Variants in KANSL3 observed in about 807,000 individuals in gnomAD.
The protein encoded by KANSL3 is NSL complex protein NSL3.
In KANSL3, 16 loss-of-function variants were observed where a neutral mutation model predicts 89.2. The ratio of observed to expected loss-of-function variants is 0.18; its 90% CI spans 0.12 to 0.27. The LOEUF (loss-of-function observed/expected upper bound fraction) is 0.27. Ranked by LOEUF, KANSL3 falls within the 10% of genes least tolerant of loss-of-function variation. The pLI, the probability that KANSL3 is intolerant of heterozygous loss-of-function variation, is 1.00. For missense variants in KANSL3, 879 were observed against 1,110.6 expected, an observed-to-expected ratio of 0.79 and a Z score of 2.96; for synonymous variants, 385 against 419.7, an observed-to-expected ratio of 0.92 and a Z score of 1.01.
chr2:96,623,676 G>T (rs2071744529), intron 3 of KANSL3, among the ~76,000 whole-genome samples: 2 of 152,020 alleles, frequency 1.3e-5, no homozygotes, highest in African/African-American at 4.8e-5. Context: ...TAGGGACAAG[G>T]GTTCTATCCC....
At chr2:96,629,979 G>A (rs1573619869) in intron 3 of KANSL3, among the ~76,000 whole-genome samples, 1 of 152,082 alleles carries the variant, frequency 6.6e-6, no homozygotes. Flanking sequence ...CACTTTACAC[G>A]CAGTAGAATG....
the KANSL3 span, among the ~76,000 whole-genome samples, chr2:96,581,423 C>CA: frequency 3.9e-3 from 427 of 108,692 alleles, no homozygotes; most frequent in African/African-American, 8.6e-3. Context: ...GACTCCATCT[C>CA]AAAAAAAAAA....
chr2:96,602,706 G>A (rs760508013), intron 18 of KANSL3, 47 bp downstream of exon 18: 2 of 1,468,794 alleles, frequency 1.4e-6, no homozygotes, highest in Admixed American at 2.2e-5. Context: ...AAGCTGAGGA[G>A]GCCTCCTCCC....
At chr2:96,588,016 G>A in the KANSL3 span, among the ~76,000 whole-genome samples, 1 of 152,118 alleles carries the variant, frequency 6.6e-6, no homozygotes, top group African/African-American at 2.4e-5. Context: ...GGGTGCTGTA[G>A]GGCTATACCT....
chr2:96,605,399 C>T lies in KANSL3; in HGVS notation c.1854G>A (p.Pro618=), dbSNP rs772164360. The T allele has an allele frequency of 1.9e-6, 3 of 1,613,938 alleles. No individual in the cohort carries two copies. Among genetic ancestry groups the T allele is most frequent in the East Asian group, 2.2e-5 (1 of 44,884 alleles). ...PLPGSKTSKR[P]KIKVSLISQG... is the part of the protein sequence containing the mutation. Reference sequence around the variant, plus strand: ...GGGAGATAAGGGACACCTTGATCTTCGGTCGTTTGGAGGTCTTACTGCCAG... The same window carrying T: ...GGGAGATAAGGGACACCTTGATCTTTGGTCGTTTGGAGGTCTTACTGCCAG... Residue 618 remains proline (P), a synonymous_variant, in exon 15 of 21, where the codon CCG becomes CCA. Transcript: ENST00000431828.
chr2:96,610,075 G>A (rs2068654801), intron 11 of KANSL3, among the ~76,000 whole-genome samples: 1 of 151,304 alleles, frequency 6.6e-6, no homozygotes, highest in Non-Finnish European at 1.5e-5. Context: ...ATCCTGGGCT[G>A]GATGCTGGAC....
At chr2:96,591,448 C>T (rs1242225200), downstream of KANSL3, among the ~76,000 whole-genome samples, 3 of 152,152 alleles carry the variant, frequency 2.0e-5, no homozygotes, top group Non-Finnish European at 4.4e-5. Context: ...GAACTATACA[C>T]ACACATTGTA....
At chr2:96,592,040 C>G (rs1027407660), downstream of KANSL3, among the ~76,000 whole-genome samples, 4 of 152,148 alleles carry the variant, frequency 2.6e-5, no homozygotes, top group African/African-American at 9.7e-5. Context: ...TTTGCTATGG[C>G]CCTGTCCCCA....
chr2:96,592,430 T>C (rs1377326925), downstream of KANSL3, among the ~76,000 whole-genome samples: 1 of 152,172 alleles, frequency 6.6e-6, no homozygotes, highest in Non-Finnish European at 1.5e-5. Context: ...AGGATCAAGG[T>C]TGAGGGACCC....
Position 96,595,581 on chromosome 2 carries a change from T to C in KANSL3, c.*30A>G. 2 of 1,613,234 alleles carry C rather than the reference T, an allele frequency of 1.2e-6. No homozygotes were observed. Among genetic ancestry groups the C allele is most frequent in the Non-Finnish European group, 1.7e-6 (2 of 1,179,554 alleles). ...CCACCATGAGGCAGCCATCACCAACTTGGTAAGGAGGACATATCACACAGC... is the reference window on the plus strand; with the variant it reads ...CCACCATGAGGCAGCCATCACCAACCTGGTAAGGAGGACATATCACACAGC... On this transcript the variant is annotated 3_prime_UTR_variant, in exon 21 of 21. Coordinates refer to ENST00000431828, the MANE Select transcript of KANSL3 (RefSeq NM_001115016.3).
Position 96,638,304 on chromosome 2 carries a change from C to G in KANSL3, c.-72G>C, listed in dbSNP as rs984808196. 1 of 152,290 alleles carries G rather than the reference C, an allele frequency of 6.6e-6. No individual in the cohort carries two copies. Among genetic ancestry groups the G allele is most frequent in the African/African-American group, 2.4e-5 (1 of 41,482 alleles). 9.4% of individuals were successfully genotyped at this position (152,290 alleles called of 1,614,324 possible). On this transcript the variant is annotated 5_prime_UTR_variant, in exon 1 of 21. Transcript: ENST00000431828. Reference sequence around the variant, plus strand: ...TCACCCGCGGTCTTACGGCCGCGCGCTCGGCCACGGCCGGATCCCTAAGCG... The same window carrying G: ...TCACCCGCGGTCTTACGGCCGCGCGGTCGGCCACGGCCGGATCCCTAAGCG...
chr2:96,614,736 A>C (rs937295434), intron 5 of KANSL3, among the ~76,000 whole-genome samples: 2 of 150,150 alleles, frequency 1.3e-5, no homozygotes, highest in African/African-American at 2.5e-5. Flanking sequence ...ATGACACTGC[A>C]CTCCAGCCTA....
At chr2:96,615,479 T>C in intron 5 of KANSL3, 1 of 1,273,134 alleles carries the variant, frequency 7.9e-7, no homozygotes, top group Non-Finnish European at 1.0e-6. Flanking sequence ...GTTTCAGACA[T>C]GTTGATGCTT....
rs895282958 is a variant in KANSL3, at chr2:96,631,613, G to T, written c.216-131C>A. ...ACGCATAAGCACATTATATTCACAA[G>T]AAAATTTTGATCCAAAGTCATCTTT... On this transcript the variant is annotated intron_variant, in intron 2 of 20. Coordinates refer to ENST00000431828, the MANE Select transcript of KANSL3 (RefSeq NM_001115016.3). 4 of 1,101,202 alleles carry T rather than the reference G, an allele frequency of 3.6e-6. No homozygotes were observed. The African/African-American group carries it at 4.6e-5, about 13-fold the overall frequency. The allele number at this position is 1,101,202 out of a possible 1,614,324, so 68.2% of individuals were successfully genotyped here.
chr2:96,588,193 C>A (rs533577017), downstream of KANSL3, among the ~76,000 whole-genome samples: 3 of 151,916 alleles, frequency 2.0e-5, no homozygotes, highest in East Asian at 5.8e-4. Context: ...AAATCCATGT[C>A]AAGATGCATC....
chr2:96,607,856 T>C (rs2068245604), intron 14 of KANSL3, among the ~76,000 whole-genome samples: 1 of 152,140 alleles, frequency 6.6e-6, no homozygotes, highest in African/African-American at 2.4e-5. Context: ...GGACACATCG[T>C]TAAACACCAA....
chr2:96,629,507 A>G (rs2073008918), intron 3 of KANSL3, among the ~76,000 whole-genome samples: 1 of 152,186 alleles, frequency 6.6e-6, no homozygotes, highest in South Asian at 2.1e-4. Context: ...TTTTTAGCAG[A>G]GACAGAGTTT....
chr2:96,609,433 G>T, intron 12 of KANSL3, 66 bp downstream of exon 12: 1 of 1,464,966 alleles, frequency 6.8e-7, no homozygotes, highest in South Asian at 1.1e-5. Context: ...CTACCAATAA[G>T]ACCAAACCTA....
At chr2:96,597,205 A>T (rs1367707436) in intron 20 of KANSL3, among the ~76,000 whole-genome samples, 1 of 152,228 alleles carries the variant, frequency 6.6e-6, no homozygotes, top group Non-Finnish European at 1.5e-5. Flanking sequence ...CAATTCCGTA[A>T]TATCAACAAC....
Sources: gnomAD v4.1 joint callset for allele counts (sites outside exome capture counted in the v4.1 genomes callset) on GRCh38, gnomAD v4.1.1 for gene constraint, MANE v1.5 for transcripts, NCBI Gene and HGNC (gene_info 2026-07-23, HGNC 2026-07-21) for gene names.